SEMA4D: variants seen among roughly 807,000 people sequenced by gnomAD.
The protein encoded by SEMA4D is semaphorin-4D.
SEMA4D carries 22 observed loss-of-function variants against 74.8 expected under a neutral mutation model. The observed-to-expected ratio is 0.29, with a 90% CI of 0.21 to 0.42. The LOEUF (loss-of-function observed/expected upper bound fraction) is 0.42. SEMA4D is among the 10% of genes least tolerant of loss of function. SEMA4D has a pLI of 1.00. For missense variants in SEMA4D, 937 were observed against 1,118.4 expected (o/e 0.84, Z 2.31); for synonymous variants, 445 against 463.7 (o/e 0.96, Z 0.52).
chr9:89,389,410 C>A (rs1286090085), intron 9 of SEMA4D, among the ~76,000 whole-genome samples: 1 of 152,244 alleles, frequency 6.6e-6, no homozygotes, highest in East Asian at 1.9e-4. Context: ...CATTGTGTGA[C>A]TTTCCTGACA....
At chr9:89,389,119 G>A (rs1240215542) in intron 9 of SEMA4D, 72 bp from the exon 10 acceptor site, 5 of 1,522,632 alleles carry the variant, frequency 3.3e-6, no homozygotes, top group African/African-American at 2.7e-5. Context: ...GGTCAGAGGT[G>A]CACCCCTCCA....
At chr9:89,478,617 A>G (rs1207653753) in intron 1 of SEMA4D, among the ~76,000 whole-genome samples, 3 of 152,196 alleles carry the variant, frequency 2.0e-5, no homozygotes, top group African/African-American at 7.2e-5. Context: ...TTACAGAGAA[A>G]GCAAGAAAGC....
At chr9:89,418,071 C>T in intron 2 of SEMA4D, 1 of 984,914 alleles carries the variant, frequency 1.0e-6, no homozygotes, top group Non-Finnish European at 1.2e-6. Context: ...TCTTATGCCT[C>T]TTGAAACTTT....
In SEMA4D at chr9:89,362,135, C is replaced by G. The variant is rs1324355837; in HGVS notation, c.*267G>C. The G allele has an allele frequency of 5.1e-6, 3 of 582,730 alleles. No homozygotes were observed. In the African/African-American group the frequency reaches 5.6e-5, roughly 11 times the overall value. The allele number at this position is 582,730 out of a possible 1,614,324, so 36.1% of individuals were successfully genotyped here. A position where few individuals can be genotyped will look rare whatever the true frequency, so the allele number is the denominator to read the frequency against. On this transcript the variant is annotated 3_prime_UTR_variant, in exon 19 of 19. Transcript: ENST00000339861. ...AAAGCCTGTTAGCCATCCTGGTTAC[C>G]TGCTTGTGCCAGACAGAACTTACTG... is the stretch of plus-strand genomic sequence containing the variant.
chr9:89,418,073 T>C, intron 2 of SEMA4D: 5 of 984,860 alleles, frequency 5.1e-6, no homozygotes, highest in Non-Finnish European at 6.0e-6. Flanking sequence ...TTATGCCTCT[T>C]GAAACTTTCC....
At position 89,484,143 on chromosome 9, in the gene SEMA4D, C is replaced by T. The variant is rs1274986730; in HGVS notation, c.-310+13776G>A. ...AACTGGAGCCTTAAAGAGGACGCCG[C>T]GGCCACCCCGCCCTGCAGGCCCACC... On this transcript the variant is annotated intron_variant, in intron 1 of 15. Transcript: ENST00000422704. The surrounding 1 kb of genome is among the most constrained non-coding windows in gnomAD (Gnocchi z 4.1). Among the ~76,000 whole-genome samples the T allele has an allele frequency of 2.6e-5, 4 of 152,244 alleles. No individual in the cohort carries two copies. The highest frequency in any genetic ancestry group is 4.4e-5 in the Non-Finnish European group (3 of 68,046).
At chr9:89,366,254 G>A (rs1460897133) in intron 16 of SEMA4D, among the ~76,000 whole-genome samples, 1 of 152,242 alleles carries the variant, frequency 6.6e-6, no homozygotes, top group East Asian at 1.9e-4. Context: ...TGGCTGGGAT[G>A]CTGGTGGTAA....
chr9:89,371,281 GGTGTGTGACGGT>G (rs1272045955), intron 16 of SEMA4D, among the ~76,000 whole-genome samples: 3 of 141,288 alleles, frequency 2.1e-5, no homozygotes, highest in Non-Finnish European at 3.1e-5. Flanking sequence ...TGTGGGGTGT[GGTGTGTGACGGT>G]GTGTGTGTCT....
intron 1 of SEMA4D, among the ~76,000 whole-genome samples, chr9:89,474,719 TGACA>T (rs1861331310): frequency 6.6e-6 from 1 of 152,248 alleles, no homozygotes; most frequent in African/African-American, 2.4e-5. Context: ...AGCTTCTGCC[TGACA>T]GACATATGTC....
chr9:89,364,179 A>G (rs45512900), intron 16 of SEMA4D: 28 of 827,938 alleles, frequency 3.4e-5, no homozygotes, highest in Middle Eastern at 3.6e-4. Flanking sequence ...CTTAATTGCC[A>G]TTTTTCAAAG....
At position 89,405,234 on chromosome 9, in the gene SEMA4D, G is replaced by A. The variant is rs573635211; in HGVS notation, c.106+117C>T. On this transcript the variant is annotated intron_variant, in intron 3 of 15. Transcript: ENST00000422704. ...GTCCCTGTCCCGTTCCCAGCCACCC[G>A]CCTCAGCATTCCAGGAAGTGGGGTC... 1.2e-4 allele frequency: 92 copies of A among 792,632 alleles called. No individual in the cohort carries two copies. The highest frequency in any genetic ancestry group is 2.4e-4 in the Middle Eastern group (1 of 4,174). The allele number at this position is 792,632 out of a possible 1,614,324, so 49.1% of individuals were successfully genotyped here.
intron 13 of SEMA4D, among the ~76,000 whole-genome samples, chr9:89,383,427 C>T (rs764098987): frequency 7.9e-5 from 12 of 152,176 alleles, no homozygotes; most frequent in Non-Finnish European, 1.3e-4. Context: ...CCTAAAACCA[C>T]GACCCCAAGA....
intron 1 of SEMA4D, among the ~76,000 whole-genome samples, chr9:89,474,101 C>G (rs28705236): frequency 0.19 from 28,542 of 152,014 alleles, 2,903 homozygotes; most frequent in East Asian, 0.32. Flanking sequence ...GAGTTCCAGC[C>G]ACTCTGCTGA....
Position 89,405,518 on chromosome 9 carries a change from G to A in SEMA4D, c.-62C>T, listed in dbSNP as rs7856677. The A allele has an allele frequency of 0.99, 1,576,122 of 1,598,264 alleles. 778,331 individuals carry two copies. Among genetic ancestry groups the A allele is most frequent in the Non-Finnish European group, 1 (1,174,099 of 1,175,966 alleles). ...GCTCACGGCAGCAGGTGGCCGGGCA[G>A]GTGTGCTATTGCAGATGCGGCTCAG... On this transcript the variant is annotated 5_prime_UTR_variant, in exon 3 of 16. Transcript: ENST00000422704.
chr9:89,370,649 G>A (rs1256072268), intron 16 of SEMA4D, among the ~76,000 whole-genome samples: 1 of 150,214 alleles, frequency 6.7e-6, no homozygotes. Context: ...CATGGCATGT[G>A]TGCGGTATAC....
intron 16 of SEMA4D, among the ~76,000 whole-genome samples, chr9:89,371,318 G>A (rs1834679917): frequency 7.1e-6 from 1 of 141,332 alleles, no homozygotes; most frequent in African/African-American, 2.7e-5. Context: ...TGTGGTGTGT[G>A]TGGGGTTGGT....
intron 2 of SEMA4D, among the ~76,000 whole-genome samples, chr9:89,410,421 C>G (rs4495524): frequency 0.4 from 60,140 of 152,070 alleles, 11,985 homozygotes; most frequent in East Asian, 0.49. Context: ...ATTTGAATTT[C>G]AGACCAGAGT....
chr9:89,387,691 G>T, intron 11 of SEMA4D, 83 bp from the exon 12 acceptor site: 2 of 1,217,762 alleles, frequency 1.6e-6, no homozygotes, highest in Non-Finnish European at 2.4e-6. Flanking sequence ...CAACGCAGGG[G>T]GGGCTGCAAA....
chr9:89,440,986 T>C (rs1429222311), intron 2 of SEMA4D, among the ~76,000 whole-genome samples: 2 of 152,332 alleles, frequency 1.3e-5, no homozygotes, highest in Admixed American at 6.5e-5. Flanking sequence ...AGCATGCAAC[T>C]TGACTGATCA....
Sources: gnomAD v4.1 joint callset for allele counts (sites outside exome capture counted in the v4.1 genomes callset) on GRCh38, gnomAD v4.1.1 for gene constraint, Gnocchi (gnomAD v3.1) non-coding constraint, MANE v1.5 for transcripts, NCBI Gene and HGNC (gene_info 2026-07-23, HGNC 2026-07-21) for gene names.